Variants in CACNA1I observed in about 807,000 individuals in gnomAD.
CACNA1I encodes calcium voltage-gated channel subunit alpha1 I.
CACNA1I carries 74 observed loss-of-function variants against 201.6 expected under a neutral mutation model. The observed-to-expected ratio is 0.37, with a 90% CI of 0.30 to 0.45. The LOEUF (loss-of-function observed/expected upper bound fraction) is 0.45. Ranked by LOEUF, CACNA1I falls within the 20% of genes least tolerant of loss-of-function variation. CACNA1I has a pLI of 1.00. For synonymous variants in CACNA1I, 1,431 were observed against 1,345.2 expected (o/e 1.06, Z -1.40); for missense variants, 2,346 against 3,138.1 (o/e 0.75, Z 6.03).
Position 39,662,181 on chromosome 22 carries a change from A to T in CACNA1I, c.3118A>T (p.Ile1040Phe), listed in dbSNP as rs136853. ...APLHTPHAHHIHHGPHLAHRH... is the reference protein window; with the variant it reads ...APLHTPHAHHFHHGPHLAHRH... ...CCTGCACACCCCACACGCCCACCAC[A>T]TTCATCACGGGCCCCATCTGGCGCA... Residue 1040 changes from isoleucine to phenylalanine, a missense_variant, in exon 17 of 37, where the codon ATT becomes TTT. Around this residue, in one of 13 missense-constraint regions of CACNA1I, gnomAD observed 288 missense variants for 255.2 expected, o/e 1.13. Transcript: ENST00000402142. 1 of 1,528,180 alleles carries T rather than the reference A, an allele frequency of 6.5e-7. No individual in the cohort carries two copies. Among genetic ancestry groups the T allele is most frequent in the Non-Finnish European group, 8.8e-7 (1 of 1,141,004 alleles). The allele number at this position is 1,528,180 out of a possible 1,614,324, so 94.7% of individuals were successfully genotyped here.
intron 1 of CACNA1I, among the ~76,000 whole-genome samples, chr22:39,581,011 C>G (rs1932529969): frequency 6.6e-6 from 1 of 152,082 alleles, no homozygotes; most frequent in Non-Finnish European, 1.5e-5. Context: ...CTAAGGAGTC[C>G]CCAGCCTGAT....
At chr22:39,655,932 C>T (rs754369543) in intron 10 of CACNA1I, among the ~76,000 whole-genome samples, 3 of 152,176 alleles carry the variant, frequency 2.0e-5, no homozygotes, top group African/African-American at 7.2e-5. Context: ...GTGGCGCGCG[C>T]GGCTGGAGCC....
chr22:39,601,590 G>T (rs1408224598), intron 3 of CACNA1I, among the ~76,000 whole-genome samples: 1 of 152,040 alleles, frequency 6.6e-6, no homozygotes, highest in Non-Finnish European at 1.5e-5. Context: ...GGGTGTGTGA[G>T]TGTGTGTGTC....
chr22:39,613,534 G>C (rs1196612581), intron 3 of CACNA1I, among the ~76,000 whole-genome samples: 1 of 152,230 alleles, frequency 6.6e-6, no homozygotes, highest in African/African-American at 2.4e-5. Context: ...TACTGGATCT[G>C]TATATGAACA....
Position 39,685,724 on chromosome 22 carries a change from G to T in CACNA1I, c.6028-37G>T. 1 of 1,416,146 alleles carries T rather than the reference G, an allele frequency of 7.1e-7. No individual in the cohort carries two copies. Among genetic ancestry groups the T allele is most frequent in the South Asian group, 1.5e-5 (1 of 66,854 alleles). 87.7% of individuals were successfully genotyped at this position (1,416,146 alleles called of 1,614,324 possible). On this transcript the variant is annotated intron_variant, in intron 36 of 36. Coordinates refer to ENST00000402142, the MANE Select transcript of CACNA1I (RefSeq NM_021096.4). This position sits in a 1 kb window ranked among gnomAD's most constrained non-coding sequence, Gnocchi z 5.0. The stretch of plus-strand genomic sequence containing the variant: ...CGTCCAGGTTGCTGGGGTGGGGGCC[G>T]ACACAGGCGGCCTCCACGGCTCCCA...
At position 39,670,055 on chromosome 22, in the gene CACNA1I, C is replaced by T. The variant is rs755681275; in HGVS notation, c.4212C>T (p.Asn1404=). Residue 1404 remains asparagine (N), a synonymous_variant, in exon 25 of 37, where the codon AAC becomes AAT. Coordinates refer to ENST00000402142, the MANE Select transcript of CACNA1I (RefSeq NM_021096.4). The part of the protein sequence containing the change: ...AVDQQPVTNH[N]PWMLLYFISF... Reference sequence around the variant, plus strand: ...CCCTGCAGCCTGTGACCAACCACAACCCCTGGATGCTGCTGTACTTCATCT... The same window carrying T: ...CCCTGCAGCCTGTGACCAACCACAATCCCTGGATGCTGCTGTACTTCATCT... 1.9e-6 allele frequency: 3 copies of T among 1,612,352 alleles called. No individual in the cohort carries two copies. In the African/African-American group the frequency reaches 4.0e-5, roughly 22 times the overall value.
chr22:39,575,640 T>A (rs1286930854), intron 1 of CACNA1I, among the ~76,000 whole-genome samples: 1 of 151,466 alleles, frequency 6.6e-6, no homozygotes, highest in African/African-American at 2.4e-5. Flanking sequence ...ATGCCCCCCA[T>A]CAGTGCAGAC....
At chr22:39,662,542 C>G in intron 17 of CACNA1I, 107 bp downstream of exon 17, 2 of 884,420 alleles carry the variant, frequency 2.3e-6, no homozygotes, top group African/African-American at 1.8e-5. Flanking sequence ...GGGGGCGTGG[C>G]CGGGGCGTGG....
chr22:39,594,447 C>T (rs1264723960), intron 1 of CACNA1I, among the ~76,000 whole-genome samples: 3 of 152,288 alleles, frequency 2.0e-5, no homozygotes, highest in Middle Eastern at 3.4e-3. Context: ...AATGATGAAG[C>T]TGCTGCTGGA....
intron 4 of CACNA1I, among the ~76,000 whole-genome samples, chr22:39,620,454 A>G (rs1286680652): frequency 6.6e-6 from 1 of 152,142 alleles, no homozygotes; most frequent in Non-Finnish European, 1.5e-5. Context: ...TAGTATTAAG[A>G]GAGGTTATCT....
intron 4 of CACNA1I, among the ~76,000 whole-genome samples, chr22:39,620,767 T>C (rs567329463): frequency 2.7e-5 from 2 of 74,230 alleles, no homozygotes; most frequent in Admixed American, 1.7e-4. Flanking sequence ...TGTTTGTTTT[T>C]TTTGAGACAC....
chr22:39,582,374 G>A (rs950368365), intron 1 of CACNA1I, among the ~76,000 whole-genome samples: 3 of 152,130 alleles, frequency 2.0e-5, no homozygotes, highest in Non-Finnish European at 2.9e-5. Flanking sequence ...TTGCTCCAAC[G>A]TGGGGAGGAT....
chr22:39,674,536 G>C (rs149727432), intron 29 of CACNA1I, among the ~76,000 whole-genome samples: 1 of 152,212 alleles, frequency 6.6e-6, no homozygotes, highest in Admixed American at 6.5e-5. Flanking sequence ...CCTGACCCAG[G>C]TGGGGATCTG....
intron 7 of CACNA1I, among the ~76,000 whole-genome samples, chr22:39,646,005 C>T (rs746831443): frequency 1.7e-4 from 26 of 152,320 alleles, no homozygotes; most frequent in Non-Finnish European, 2.6e-4. Context: ...AAGCCCACGA[C>T]GGGCTGTGGC....
At chr22:39,621,649 G>T (rs1933746987) in intron 4 of CACNA1I, among the ~76,000 whole-genome samples, 1 of 152,184 alleles carries the variant, frequency 6.6e-6, no homozygotes, top group African/African-American at 2.4e-5. Context: ...CCTGGGGGCT[G>T]GGGTCTCAAG....
chr22:39,646,759 G>A lies in CACNA1I; in HGVS notation c.1340G>A (p.Arg447His), dbSNP rs764720317. The A allele has an allele frequency of 1.9e-6, 3 of 1,591,120 alleles. No homozygotes were observed. The highest frequency in any genetic ancestry group is 2.6e-6 in the Non-Finnish European group (3 of 1,169,192). ...TTCCAGTATGTCTGCCACATCCTGC[G>A]CAAGGCCAAGCGCCGCGCCCTGGGC... is the stretch of plus-strand genomic sequence containing the variant. ...EIFQYVCHIL[R>H]KAKRRALGLY... Residue 447 changes from arginine to histidine, a missense_variant, in exon 8 of 37, where the codon CGC becomes CAC. Coordinates refer to ENST00000402142, the MANE Select transcript of CACNA1I (RefSeq NM_021096.4).
At chr22:39,654,086 G>A (rs1354903812) in intron 10 of CACNA1I, among the ~76,000 whole-genome samples, 1 of 152,234 alleles carries the variant, frequency 6.6e-6, no homozygotes, top group Non-Finnish European at 1.5e-5. Context: ...TCCTCTGGCA[G>A]TCTTGTGGGG....
At chr22:39,670,263 C>T (rs1935330596) in intron 25 of CACNA1I, 33 bp downstream of exon 25, 2 of 1,599,370 alleles carry the variant, frequency 1.3e-6, no homozygotes, top group African/African-American at 1.3e-5. Flanking sequence ...CGTGGGCCAC[C>T]CAGCTCTAAG....
intron 1 of CACNA1I, among the ~76,000 whole-genome samples, chr22:39,583,193 CAACA>C (rs1932632386): frequency 1.6e-5 from 2 of 124,164 alleles, no homozygotes; most frequent in Middle Eastern, 4.5e-3. Flanking sequence ...TCCATCTATC[CAACA>C]ATCCATCCAT....
Sources: gnomAD v4.1 joint callset for allele counts (sites outside exome capture counted in the v4.1 genomes callset) on GRCh38, gnomAD v4.1.1 for gene constraint, gnomAD v4.1.1 regional missense constraint, Gnocchi (gnomAD v3.1) non-coding constraint, MANE v1.5 for transcripts, NCBI Gene and HGNC (gene_info 2026-07-23, HGNC 2026-07-21) for gene names.